Variants in ACCSL observed in about 807,000 individuals in gnomAD.
ACCSL encodes the protein probable inactive 1-aminocyclopropane-1-carboxylate synthase-like protein 2.
In ACCSL, 55 loss-of-function variants were observed where a neutral mutation model predicts 61.7. The ratio of observed to expected loss-of-function variants is 0.89; its 90% CI spans 0.72 to 1.12. The LOEUF is 1.12. Ranked by LOEUF, ACCSL falls within the 50% of genes most tolerant of loss-of-function variation. The pLI is 0.00. For missense variants in ACCSL, 632 were observed against 698.0 expected, an observed-to-expected ratio of 0.91 and a Z score of 1.07; for synonymous variants, 258 against 264.3, an observed-to-expected ratio of 0.98 and a Z score of 0.23.
chr11:44,053,565 TAGTCAA>T, intron 8 of ACCSL, 59 bp downstream of exon 8: 1 of 1,496,684 alleles, frequency 6.7e-7, no homozygotes, highest in Non-Finnish European at 9.3e-7. Flanking sequence ...CCATCACTTA[TAGTCAA>T]GTAATCAAGA....
intron 1 of ACCSL, 111 bp from the exon 2 acceptor site, chr11:44,049,951 G>T: frequency 6.9e-7 from 1 of 1,438,896 alleles, no homozygotes; most frequent in South Asian, 1.2e-5. Context: ...GTCAAATTTG[G>T]ATTGAATTGC....
the ACCSL span, chr11:43,944,094 C>T: frequency 2.3e-5 from 8 of 349,312 alleles, no homozygotes; most frequent in African/African-American, 1.5e-4. Flanking sequence ...CCAGTGTGCT[C>T]CTGCGTCCCT....
chr11:43,931,532 T>C, the ACCSL span, among the ~76,000 whole-genome samples: 1 of 152,194 alleles, frequency 6.6e-6, no homozygotes, highest in African/African-American at 2.4e-5. Flanking sequence ...TGGCAGCAGA[T>C]TGACCTGGGT....
the ACCSL span, chr11:43,942,963 C>T: frequency 6.7e-7 from 1 of 1,486,148 alleles, no homozygotes. Context: ...GCGGTGATGC[C>T]GCACTTCGTG....
chr11:44,026,469 A>C, the ACCSL span, among the ~76,000 whole-genome samples: 7 of 152,226 alleles, frequency 4.6e-5, no homozygotes, highest in Admixed American at 3.3e-4. Context: ...GACTTCTTTT[A>C]GTTATTTGAC....
chr11:43,972,477 T>G, the ACCSL span, among the ~76,000 whole-genome samples: 3 of 152,310 alleles, frequency 2.0e-5, no homozygotes, highest in African/African-American at 7.2e-5. Context: ...GAGGTGTTGT[T>G]GGTGATTCAT....
chr11:44,012,819 T>C, the ACCSL span, among the ~76,000 whole-genome samples: 1 of 152,192 alleles, frequency 6.6e-6, no homozygotes, highest in Non-Finnish European at 1.5e-5. Context: ...GGTCCCTCCA[T>C]GTGGTGAAAT....
the ACCSL span, among the ~76,000 whole-genome samples, chr11:44,031,785 C>A: frequency 1.3e-5 from 2 of 152,158 alleles, no homozygotes; most frequent in African/African-American, 2.4e-5. Flanking sequence ...TGGCTGTGCT[C>A]ATTTATTGGC....
At chr11:44,005,074 C>A in the ACCSL span, among the ~76,000 whole-genome samples, 1 of 144,890 alleles carries the variant, frequency 6.9e-6, no homozygotes, top group Non-Finnish European at 1.5e-5. Context: ...CTCCCCCGTG[C>A]CAGTCTGCCC....
At chr11:43,969,276 A>G in the ACCSL span, among the ~76,000 whole-genome samples, 1 of 152,126 alleles carries the variant, frequency 6.6e-6, no homozygotes, top group South Asian at 2.1e-4. Context: ...CAAGAGGATC[A>G]CTTGAACCCA....
At chr11:44,004,614 T>C in the ACCSL span, among the ~76,000 whole-genome samples, 1 of 152,122 alleles carries the variant, frequency 6.6e-6, no homozygotes, top group Non-Finnish European at 1.5e-5. Flanking sequence ...ATCGGGAAAA[T>C]GAGGCCCTAG....
At chr11:44,023,063 CG>C in the ACCSL span, among the ~76,000 whole-genome samples, 1 of 70,558 alleles carries the variant, frequency 1.4e-5, no homozygotes, top group African/African-American at 6.1e-5. Context: ...TTTTTTTTTT[CG>C]AGAAAGAGTC....
chr11:43,957,093 C>CTT, the ACCSL span, among the ~76,000 whole-genome samples: 1 of 152,118 alleles, frequency 6.6e-6, no homozygotes, highest in African/African-American at 2.4e-5. Context: ...TGAGATAGGT[C>CTT]TTGATGAATT....
rs1472658641 is a variant in ACCSL, at chr11:44,059,918, T to G, written c.1705T>G (p.Ter569GluextTer?). The G allele has an allele frequency of 6.2e-7, 1 of 1,613,232 alleles. No individual in the cohort carries two copies. Among genetic ancestry groups the G allele is most frequent in the Non-Finnish European group, 8.5e-7 (1 of 1,179,548 alleles). ...VKQLEDAMRE[*>E] is the part of the protein sequence containing the mutation. ...GCAGTTGGAGGATGCAATGAGGGAG[T>G]AGGCCGTCTGCCTCCCAACCAGCAG... The change falls in exon 14 of 14, where the codon TAG becomes GAG. Residue 569 changes from the stop codon to glutamate, a stop_lost. Transcript: ENST00000378832.
the ACCSL span, among the ~76,000 whole-genome samples, chr11:43,933,930 C>T: frequency 6.6e-6 from 1 of 152,180 alleles, no homozygotes; most frequent in Non-Finnish European, 1.5e-5. Flanking sequence ...CAGCTGGTAT[C>T]CCATTGCAGT....
the ACCSL span, among the ~76,000 whole-genome samples, chr11:43,951,091 C>G: frequency 3.3e-5 from 5 of 152,176 alleles, no homozygotes; most frequent in African/African-American, 1.2e-4. Context: ...CTGAGTCAAC[C>G]AAGCCCATAG....
the ACCSL span, among the ~76,000 whole-genome samples, chr11:43,923,811 A>ATT: frequency 6.6e-6 from 1 of 152,342 alleles, no homozygotes; most frequent in South Asian, 2.1e-4. Context: ...AACAGGATAA[A>ATT]TTAGGCTGTA....
chr11:43,955,338 T>G, the ACCSL span, among the ~76,000 whole-genome samples: 1 of 152,192 alleles, frequency 6.6e-6, no homozygotes, highest in Non-Finnish European at 1.5e-5. Context: ...TTTCTTACCA[T>G]TCTGGAGTCT....
the ACCSL span, among the ~76,000 whole-genome samples, chr11:43,962,662 G>T: frequency 6.6e-6 from 1 of 152,282 alleles, no homozygotes; most frequent in South Asian, 2.1e-4. Context: ...AATAGCTGTC[G>T]TTAATGCAAG....
Sources: gnomAD v4.1 joint callset for allele counts (sites outside exome capture counted in the v4.1 genomes callset) on GRCh38, gnomAD v4.1.1 for gene constraint, MANE v1.5 for transcripts, NCBI Gene and HGNC (gene_info 2026-07-23, HGNC 2026-07-21) for gene names.